Variants in MTURN observed in about 807,000 individuals in gnomAD.
The protein encoded by MTURN is maturin.
In MTURN, 7 loss-of-function variants were observed where a neutral mutation model predicts 14.9. That is an observed-to-expected ratio of 0.47 (90% CI 0.27 to 0.88). MTURN has a LOEUF of 0.88. Among genes scored for constraint, MTURN ranks in the 40% least tolerant of loss-of-function variants. The pLI is 0.14. For missense variants in MTURN, 151 were observed against 174.1 expected (o/e 0.87, Z 0.75); for synonymous variants, 69 against 72.5 (o/e 0.95, Z 0.25).
At chr7:30,137,741 CT>C (rs1284511143) in intron 1 of MTURN, 2 of 455,260 alleles carry the variant, frequency 4.4e-6, no homozygotes, top group African/African-American at 2.0e-5. Flanking sequence ...TGCCTTAGTT[CT>C]TTTCTTTTTC....
intron 2 of MTURN, among the ~76,000 whole-genome samples, chr7:30,152,305 C>G (rs1435465893): frequency 6.6e-6 from 1 of 152,104 alleles, no homozygotes; most frequent in Non-Finnish European, 1.5e-5. Context: ...AGAAGACTGA[C>G]TGACAGACCA....
At chr7:30,145,992 T>G (rs1269448677) in intron 1 of MTURN, 185 bp from the exon 2 acceptor site, 1 of 1,548,742 alleles carries the variant, frequency 6.5e-7, no homozygotes, top group Non-Finnish European at 8.7e-7. Context: ...CTTCTATAGA[T>G]TAGACATTTT....
At chr7:30,138,240 C>G (rs1796996320) in intron 1 of MTURN, among the ~76,000 whole-genome samples, 1 of 152,108 alleles carries the variant, frequency 6.6e-6, no homozygotes, top group African/African-American at 2.4e-5. Flanking sequence ...GTCAGCCTCT[C>G]CAGTAGCTGG....
intron 2 of MTURN, among the ~76,000 whole-genome samples, chr7:30,151,188 C>CT (rs1655356506): frequency 6.6e-6 from 1 of 152,170 alleles, no homozygotes; most frequent in African/African-American, 2.4e-5. Context: ...TTTTTTCTTG[C>CT]TACTGGCATG....
chr7:30,146,624 G>A (rs939504100), intron 2 of MTURN, among the ~76,000 whole-genome samples: 4 of 152,184 alleles, frequency 2.6e-5, no homozygotes, highest in Non-Finnish European at 5.9e-5. Flanking sequence ...TGGAACCATG[G>A]CACTTGCAAG....
chr7:30,148,881 T>G (rs1462945238), intron 2 of MTURN, among the ~76,000 whole-genome samples: 2 of 152,150 alleles, frequency 1.3e-5, no homozygotes, highest in Non-Finnish European at 2.9e-5. Context: ...TTAGGCAAAA[T>G]TAAAAAGAAA....
At chr7:30,137,058 T>A (rs111529567) in intron 1 of MTURN, among the ~76,000 whole-genome samples, 1 of 152,110 alleles carries the variant, frequency 6.6e-6, no homozygotes, top group African/African-American at 2.4e-5. Context: ...AGTAAATAAG[T>A]GTTCTTTTTG....
Position 30,160,699 on chromosome 7 carries a change from G to A in MTURN, c.*3151G>A, listed in dbSNP as rs568704154. 8 of 152,340 alleles carry A rather than the reference G, an allele frequency of 5.3e-5. No homozygotes were observed. Among genetic ancestry groups the A allele is most frequent in the Admixed American group, 1.3e-4 (2 of 15,296 alleles). 9.4% of individuals were successfully genotyped at this position (152,340 alleles called of 1,614,324 possible). ...TAACATTACAAAACCGTGATCCTGG[G>A]TTTGAGTGAATCCTAGAGACATTGT... On this transcript the variant is annotated 3_prime_UTR_variant, in exon 3 of 3. Transcript: ENST00000324453.
chr7:30,139,222 A>G (rs2128030010), intron 1 of MTURN, among the ~76,000 whole-genome samples: 1 of 152,366 alleles, frequency 6.6e-6, no homozygotes, highest in East Asian at 1.9e-4. Context: ...TTCAAAGAAT[A>G]ATAATAATAG....
Position 30,146,197 on chromosome 7 carries a change from G to A in MTURN, c.183G>A (p.Glu61=). ...GDNFHVWSES[E]DCLPFLQLAQ... ...CGCAGCACGTGTGGAGTGAGAGCGA[G>A]GACTGCCTGCCTTTCTTGCAGCTAG... Residue 61 remains glutamate (E), a synonymous_variant, in exon 2 of 3, where the codon GAG becomes GAA. Coordinates refer to ENST00000324453, the MANE Select transcript of MTURN (RefSeq NM_152793.3). 1 of 1,614,138 alleles carries A rather than the reference G, an allele frequency of 6.2e-7. No individual in the cohort carries two copies.
At chr7:30,149,465 A>G (rs968365988) in intron 2 of MTURN, among the ~76,000 whole-genome samples, 3 of 152,184 alleles carry the variant, frequency 2.0e-5, no homozygotes, top group Non-Finnish European at 2.9e-5. Context: ...CGGACTGGTA[A>G]AGATGAAGTG....
intron 1 of MTURN, among the ~76,000 whole-genome samples, chr7:30,145,235 G>C (rs922051992): frequency 2.0e-5 from 3 of 152,176 alleles, no homozygotes; most frequent in Non-Finnish European, 4.4e-5. Flanking sequence ...CCTAGACTGG[G>C]CATGGTGGCT....
Position 30,157,889 on chromosome 7 carries a change from G to A in MTURN, c.*341G>A, listed in dbSNP as rs1397277665. On this transcript the variant is annotated 3_prime_UTR_variant, in exon 3 of 3. Transcript: ENST00000324453. Reference sequence around the variant, plus strand: ...GACTCGAATGTAGAGAACTCTGAATGTATTAAGGATAGGTTTTGAGTCCTC... The same window carrying A: ...GACTCGAATGTAGAGAACTCTGAATATATTAAGGATAGGTTTTGAGTCCTC... The A allele has an allele frequency of 6.2e-6, 1 of 161,334 alleles. No individual in the cohort carries two copies. Among genetic ancestry groups the A allele is most frequent in the Non-Finnish European group, 1.4e-5 (1 of 73,378 alleles). 10.0% of individuals were successfully genotyped at this position (161,334 alleles called of 1,614,324 possible).
At chr7:30,136,257 G>A (rs1043720461) in intron 1 of MTURN, among the ~76,000 whole-genome samples, 1 of 152,142 alleles carries the variant, frequency 6.6e-6, no homozygotes, top group Non-Finnish European at 1.5e-5. Flanking sequence ...ACCCACCTGG[G>A]ATCCCGACTC....
chr7:30,145,967 C>T (rs1224062368), intron 1 of MTURN: 3 of 1,551,404 alleles, frequency 1.9e-6, no homozygotes, highest in Non-Finnish European at 2.6e-6. Flanking sequence ...GAGGTATGGA[C>T]CAAAAGCTCG....
intron 1 of MTURN, among the ~76,000 whole-genome samples, chr7:30,138,569 ATAACCTC>A (rs1485145310): frequency 6.6e-6 from 1 of 152,102 alleles, no homozygotes; most frequent in Non-Finnish European, 1.5e-5. Flanking sequence ...CTCCTTGCTT[ATAACCTC>A]CACCTCACTC....
chr7:30,142,538 A>T (rs181466226), intron 1 of MTURN, among the ~76,000 whole-genome samples: 2 of 152,200 alleles, frequency 1.3e-5, no homozygotes, highest in Non-Finnish European at 2.9e-5. Context: ...TCAGCTGGGA[A>T]TTTGTTGGAA....
intron 2 of MTURN, among the ~76,000 whole-genome samples, chr7:30,152,699 C>T (rs993488420): frequency 6.6e-6 from 1 of 152,168 alleles, no homozygotes; most frequent in African/African-American, 2.4e-5. Context: ...TTATGAAGAC[C>T]TTCTAGCCCA....
chr7:30,155,607 C>G (rs1797275099), intron 2 of MTURN, among the ~76,000 whole-genome samples: 1 of 152,252 alleles, frequency 6.6e-6, no homozygotes, highest in Non-Finnish European at 1.5e-5. Flanking sequence ...TGCCCTTCCC[C>G]TCTACATCCG....
Sources: allele counts gnomAD v4.1 joint callset (sites outside exome capture counted in the v4.1 genomes callset), GRCh38; gene constraint gnomAD v4.1.1; transcripts MANE v1.5; gene names NCBI Gene and HGNC (gene_info 2026-07-23, HGNC 2026-07-21).